The following CDH23 variants were observed in gnomAD, a reference collection of about 807,000 sequenced individuals.
The protein encoded by CDH23 is cadherin-23.
CDH23 carries 189 observed loss-of-function variants against 317.1 expected under a neutral mutation model. The observed-to-expected ratio is 0.60, with a 90% CI of 0.53 to 0.67. The LOEUF is 0.67. Ranked by LOEUF, CDH23 falls within the 30% of genes least tolerant of loss-of-function variation. CDH23 has a pLI of 0.00. For synonymous variants in CDH23, 1,839 were observed against 1,876.8 expected, an observed-to-expected ratio of 0.98 and a Z score of 0.52; for missense variants, 4,401 against 4,592.4, an observed-to-expected ratio of 0.96 and a Z score of 1.20.
At chr10:71,475,857 G>C (rs996614479) in intron 3 of CDH23, among the ~76,000 whole-genome samples, 5 of 152,236 alleles carry the variant, frequency 3.3e-5, no homozygotes, top group African/African-American at 1.2e-4. Context: ...CAGGTGGGAA[G>C]AATGTCACCC....
chr10:71,697,197 TC>T (rs1383439504), intron 22 of CDH23, among the ~76,000 whole-genome samples: 10 of 152,072 alleles, frequency 6.6e-5, no homozygotes, highest in Admixed American at 3.9e-4. Flanking sequence ...CAAGCTTTGG[TC>T]CCCCCGCCCT....
intron 17 of CDH23, among the ~76,000 whole-genome samples, chr10:71,680,178 C>T (rs1864556440): frequency 6.6e-6 from 1 of 152,228 alleles, no homozygotes; most frequent in South Asian, 2.1e-4. Context: ...CTGGTGTTCA[C>T]CCCCATGTCT....
At chr10:71,445,645 CCTGGGCAACATAGTAAGACCCTCCCCA>C (rs1850119821) in intron 2 of CDH23, among the ~76,000 whole-genome samples, 2 of 152,054 alleles carry the variant, frequency 1.3e-5, no homozygotes, top group Non-Finnish European at 2.9e-5. Flanking sequence ...TGGAGACCAG[CCTGGGCAACATAGTAAGACCCTCCCCA>C]CTGCATCTAT....
intron 9 of CDH23, among the ~76,000 whole-genome samples, chr10:71,600,852 C>A (rs1361443093): frequency 6.6e-6 from 1 of 152,140 alleles, no homozygotes; most frequent in Non-Finnish European, 1.5e-5. Context: ...TTTCCTATAC[C>A]CCATGGTATC....
rs373020999 is a variant in CDH23 at position 71,738,576 on chromosome 10, G to A, written c.4288G>A (p.Glu1430Lys). The change falls in exon 35 of 70, where the codon GAG becomes AAG. Residue 1430 changes from glutamate to lysine, a missense_variant. Physicochemically the swap from Glu to Lys is moderately conservative, Grantham distance 56. This residue lies in a region of CDH23 where 3,068 missense variants were observed against 3,203.3 expected (regional missense o/e 0.96). Coordinates refer to ENST00000224721, the MANE Select transcript of CDH23 (RefSeq NM_022124.6). ...CTCCGACTCGGCGGTCAGCATACCC[G>A]AGGACTGCCCTGTGGGCCAGCGAGT... is the stretch of plus-strand genomic sequence containing the variant. ...FTSDSAVSIP[E>K]DCPVGQRVAT... is the part of the protein sequence containing the mutation. 9.9e-6 allele frequency: 16 copies of A among 1,613,776 alleles called. No individual in the cohort carries two copies. Among genetic ancestry groups the A allele is most frequent in the South Asian group, 2.2e-5 (2 of 91,078 alleles).
chr10:71,500,333 A>G (rs1413678422), intron 3 of CDH23, among the ~76,000 whole-genome samples: 1 of 152,198 alleles, frequency 6.6e-6, no homozygotes, highest in East Asian at 1.9e-4. Flanking sequence ...CTGCCCCCAG[A>G]GCCTCTGGGT....
At chr10:71,475,922 G>T (rs1483132262) in intron 3 of CDH23, among the ~76,000 whole-genome samples, 1 of 152,226 alleles carries the variant, frequency 6.6e-6, no homozygotes. Context: ...CTGCCATGTG[G>T]CCTAGGCAGG....
chr10:71,570,041 C>A (rs1857679458), intron 7 of CDH23, among the ~76,000 whole-genome samples: 1 of 152,120 alleles, frequency 6.6e-6, no homozygotes, highest in Non-Finnish European at 1.5e-5. Flanking sequence ...GCTGGGACTA[C>A]AGATGCATCG....
chr10:71,499,584 A>G (rs190021858), intron 3 of CDH23, among the ~76,000 whole-genome samples: 25 of 151,914 alleles, frequency 1.6e-4, no homozygotes, highest in Non-Finnish European at 2.9e-4. Context: ...TCACGCCTGT[A>G]ATCCCAGCAC....
intron 53 of CDH23, 37 bp from the exon 54 acceptor site, chr10:71,802,861 T>A: frequency 6.2e-7 from 1 of 1,612,504 alleles, no homozygotes; most frequent in Non-Finnish European, 8.5e-7. Context: ...TGCCCCATCC[T>A]GCTCCTTACC....
chr10:71,537,125 G>C (rs1417597653), intron 6 of CDH23, among the ~76,000 whole-genome samples: 1 of 151,988 alleles, frequency 6.6e-6, no homozygotes, highest in Non-Finnish European at 1.5e-5. Context: ...TGGGCCCATG[G>C]CTGAGGGCCT....
intron 1 of CDH23, among the ~76,000 whole-genome samples, chr10:71,411,330 C>T (rs759966855): frequency 6.6e-6 from 1 of 151,944 alleles, no homozygotes; most frequent in Non-Finnish European, 1.5e-5. Flanking sequence ...TTTAGTGTAG[C>T]ATTCTTATAT....
intron 38 of CDH23, among the ~76,000 whole-genome samples, chr10:71,775,687 C>G (rs1163695818): frequency 6.6e-6 from 1 of 152,160 alleles, no homozygotes. Flanking sequence ...GACCTGGTCT[C>G]AGAGCAGGAG....
intron 41 of CDH23, among the ~76,000 whole-genome samples, chr10:71,782,316 T>G (rs1432910249): frequency 6.6e-6 from 1 of 152,250 alleles, no homozygotes; most frequent in Non-Finnish European, 1.5e-5. Flanking sequence ...TTCAGAGGCC[T>G]GCCTGGGCTC....
intron 56 of CDH23, 80 bp from the exon 57 acceptor site, chr10:71,806,088 A>G: frequency 5.2e-6 from 8 of 1,531,584 alleles, no homozygotes; most frequent in Non-Finnish European, 7.0e-6. Context: ...GAAAGTCCCT[A>G]GGGGAACTGG....
intron 39 of CDH23, 107 bp from the exon 40 acceptor site, chr10:71,778,082 T>C: frequency 6.6e-7 from 1 of 1,512,580 alleles, no homozygotes. Context: ...GTGGCAGTGG[T>C]TCCCCATCAC....
In CDH23 at chr10:71,669,863, A is replaced by G. The variant is rs1321835232; in HGVS notation, c.1450-5249A>G. ...TCAAAAAATATTACTAGGCCGGGCA[A>G]GGTGGCTCACGCCTGTAATCCCAGC... On this transcript the variant is annotated intron_variant, in intron 14 of 69. Transcript: ENST00000224721. 6.7e-5 allele frequency among the ~76,000 whole-genome samples: 10 copies of G among 148,210 alleles called. No homozygotes were observed. The East Asian group carries it at 1.9e-3, about 29-fold the overall frequency.
chr10:71,445,421 C>A (rs1407008726), intron 2 of CDH23, among the ~76,000 whole-genome samples: 1 of 152,228 alleles, frequency 6.6e-6, no homozygotes, highest in Non-Finnish European at 1.5e-5. Flanking sequence ...TTCTGGGCAC[C>A]AGGGTTCCAC....
rs777503250 is a variant in CDH23, at chr10:71,709,080, C to T, written c.3107-18C>T. 6.2e-7 allele frequency: 1 copy of T among 1,611,748 alleles called. No homozygotes were observed. ...AGCTCTGTTTCCCAGCCGGAAGCTT[C>T]CTCTCCTTCACCCACAGGTGGCAAC... On this transcript the variant is annotated intron_variant, in intron 26 of 69. Transcript: ENST00000224721.
Sources: allele counts gnomAD v4.1 joint callset (sites outside exome capture counted in the v4.1 genomes callset), GRCh38; gene constraint gnomAD v4.1.1; regional missense constraint gnomAD v4.1.1; transcripts MANE v1.5; gene names NCBI Gene and HGNC (gene_info 2026-07-23, HGNC 2026-07-21).